The following FKBP6 variants were observed in gnomAD, a reference collection of about 807,000 sequenced individuals.
The protein encoded by FKBP6 is inactive peptidyl-prolyl cis-trans isomerase FKBP6.
Under a neutral mutation model 41.7 loss-of-function variants are expected in FKBP6, and 29 were observed. The observed-to-expected ratio is 0.70, with a 90% CI of 0.52 to 0.95. The LOEUF is 0.95. FKBP6 is among the 40% of genes least tolerant of loss of function. The probability of loss-of-function intolerance (pLI) is 0.00; values close to 1 mark genes in which losing one functional copy is unlikely to be tolerated. For synonymous variants in FKBP6, 130 were observed against 165.1 expected (o/e 0.79, Z 1.63); for missense variants, 338 against 408.7 (o/e 0.83, Z 1.49).
chr7:73,355,843 G>A (rs1448770443), intron 8 of FKBP6, among the ~76,000 whole-genome samples: 1 of 151,996 alleles, frequency 6.6e-6, no homozygotes, highest in Non-Finnish European at 1.5e-5. Context: ...GAAGCAGGCA[G>A]ATCACGAGGT....
At chr7:73,329,326 G>T (rs1554547078) in intron 2 of FKBP6, 34 bp from the exon 3 acceptor site, 1 of 1,300,382 alleles carries the variant, frequency 7.7e-7, no homozygotes, top group Non-Finnish European at 1.1e-6. Context: ...GGTGTTTTTG[G>T]TCCATTTTCC....
Position 73,331,766 on chromosome 7 carries a change from G to C in FKBP6, c.578G>C (p.Arg193Thr), listed in dbSNP as rs782469675. The C allele has an allele frequency of 6.2e-7, 1 of 1,613,872 alleles. No individual in the cohort carries two copies. The highest frequency in any genetic ancestry group is 1.3e-5 in the African/African-American group (1 of 74,942). Residue 193 changes from arginine to threonine, a missense_variant, in exon 5 of 9, where the codon AGA becomes ACA. This residue lies in a region of FKBP6 where 239 missense variants were observed against 250.1 expected (regional missense o/e 0.96). Transcript: ENST00000252037. The stretch of plus-strand genomic sequence containing the variant: ...AATCGTTTCTATGATGCCAAAGTGA[G>C]ATATAAAAGGGTGAGAATGCTTTGA... ...RQNRFYDAKV[R>T]YKRALLLLRR...
chr7:73,345,620 G>C (rs1056068868), intron 8 of FKBP6, among the ~76,000 whole-genome samples: 1 of 152,204 alleles, frequency 6.6e-6, no homozygotes, highest in Admixed American at 6.5e-5. Flanking sequence ...CTGGAAAGGA[G>C]CTGTGAAGGG....
At chr7:73,355,457 G>A (rs1805603773) in intron 8 of FKBP6, among the ~76,000 whole-genome samples, 1 of 151,970 alleles carries the variant, frequency 6.6e-6, no homozygotes, top group Non-Finnish European at 1.5e-5. Flanking sequence ...TGAACCTCGT[G>A]GGATCCCTTC....
intron 8 of FKBP6, among the ~76,000 whole-genome samples, chr7:73,346,821 C>T (rs1583818245): frequency 6.6e-6 from 1 of 152,180 alleles, no homozygotes; most frequent in Non-Finnish European, 1.5e-5. Flanking sequence ...CAGACCTTAC[C>T]TGAGGGAGCA....
At chr7:73,352,619 C>T (rs997781532) in intron 8 of FKBP6, among the ~76,000 whole-genome samples, 1 of 152,150 alleles carries the variant, frequency 6.6e-6, no homozygotes, top group African/African-American at 2.4e-5. Flanking sequence ...CTCCCCTACG[C>T]TCCCAAGCAG....
chr7:73,331,197 A>C (rs1012113075), intron 4 of FKBP6, among the ~76,000 whole-genome samples: 1 of 152,164 alleles, frequency 6.6e-6, no homozygotes, highest in African/African-American at 2.4e-5. Context: ...CATGACCATA[A>C]AGACTGCCAG....
At chr7:73,328,808 A>ATTTTTGT in intron 2 of FKBP6, 116 bp downstream of exon 2, 1 of 1,591,148 alleles carries the variant, frequency 6.3e-7, no homozygotes, top group Non-Finnish European at 8.6e-7. Context: ...TTTGAAGTGG[A>ATTTTTGT]TTTTTGTTTT....
At chr7:73,357,507 G>A (rs1174271191) in intron 8 of FKBP6, among the ~76,000 whole-genome samples, 1 of 151,878 alleles carries the variant, frequency 6.6e-6, no homozygotes, top group East Asian at 2.0e-4. Context: ...TGATCCGCCC[G>A]CCTCAGCCTC....
chr7:73,335,087 A>T (rs983024910), intron 5 of FKBP6, among the ~76,000 whole-genome samples: 35 of 151,834 alleles, frequency 2.3e-4, no homozygotes, highest in African/African-American at 7.7e-4. Flanking sequence ...CCTAGCTGCA[A>T]AGAAGCCTAG....
At chr7:73,333,514 G>A (rs1485041577) in intron 5 of FKBP6, among the ~76,000 whole-genome samples, 1 of 152,140 alleles carries the variant, frequency 6.6e-6, no homozygotes, top group African/African-American at 2.4e-5. Context: ...CCTCTGGAGG[G>A]TCTTCCAGAA....
At chr7:73,355,222 TTGTC>T (rs1283363962) in intron 8 of FKBP6, among the ~76,000 whole-genome samples, 1 of 152,228 alleles carries the variant, frequency 6.6e-6, no homozygotes, top group Non-Finnish European at 1.5e-5. Flanking sequence ...CTGTGGACCT[TTGTC>T]TGTGTTCGCT....
intron 8 of FKBP6, among the ~76,000 whole-genome samples, chr7:73,350,115 C>T (rs1554550905): frequency 6.6e-6 from 1 of 152,204 alleles, no homozygotes; most frequent in Non-Finnish European, 1.5e-5. Context: ...TGTCCGGCCA[C>T]AGACCCCTTA....
At chr7:73,340,494 T>C (rs1563316795) in intron 5 of FKBP6, 144 bp from the exon 6 acceptor site, 8 of 710,958 alleles carry the variant, frequency 1.1e-5, no homozygotes, top group Non-Finnish European at 1.8e-5. Flanking sequence ...AAAAAAGAAA[T>C]ATACCTGACT....
intron 6 of FKBP6, 83 bp downstream of exon 6, chr7:73,340,915 GTC>G: frequency 3.8e-5 from 24 of 637,036 alleles, no homozygotes; most frequent in Non-Finnish European, 5.6e-5. Flanking sequence ...CAAAAATGCT[GTC>G]TTTTTTTTTT....
At position 73,341,348 on chromosome 7, in the gene FKBP6, C is replaced by T; in HGVS notation, c.859C>T (p.His287Tyr). ...AGCCCAGAAGGAGCAACCCTTCAAT[C>T]ATGACATCAATAATGAGCTGAAGAA... ...VRAQKEQPFN[H>Y]DINNELKKLA... The change falls in exon 7 of 9, where the codon CAT (histidine) becomes TAT (tyrosine). Residue 287 changes from histidine to tyrosine, a missense_variant. His to Tyr is a moderately conservative substitution (Grantham distance 83). This residue lies in a region of FKBP6 where 239 missense variants were observed against 250.1 expected (regional missense o/e 0.96). Coordinates refer to ENST00000252037, the MANE Select transcript of FKBP6 (RefSeq NM_003602.5). The T allele has an allele frequency of 6.2e-7, 1 of 1,612,572 alleles. No individual in the cohort carries two copies. Among genetic ancestry groups the T allele is most frequent in the Non-Finnish European group, 8.5e-7 (1 of 1,178,548 alleles).
At position 73,328,193 on chromosome 7, in the gene FKBP6, A is replaced by G. The variant is rs1583790883; in HGVS notation, c.-236A>G. 4.5e-6 allele frequency: 7 copies of G among 1,547,586 alleles called. No homozygotes were observed. In the East Asian group the frequency reaches 1.7e-4, roughly 38 times the overall value. On this transcript the variant is annotated 5_prime_UTR_variant, in exon 1 of 9. In the 5' UTR this introduces an upstream ATG that the reference lacks. Coordinates refer to ENST00000252037, the MANE Select transcript of FKBP6 (RefSeq NM_003602.5). ...TTCGTGCGCTCCCATTACGGATCAT[A>G]CCTCGCACCTCACCGCGTGGCCTCT...
At chr7:73,331,444 G>C (rs377172304) in intron 4 of FKBP6, among the ~76,000 whole-genome samples, 1 of 152,226 alleles carries the variant, frequency 6.6e-6, no homozygotes, top group African/African-American at 2.4e-5. Context: ...CAACACAGAA[G>C]GCTGTAAACA....
At chr7:73,357,322 G>C (rs1299984840) in intron 8 of FKBP6, among the ~76,000 whole-genome samples, 9 of 133,612 alleles carry the variant, frequency 6.7e-5, no homozygotes, top group Non-Finnish European at 1.2e-4. Flanking sequence ...TCACTCAGGC[G>C]ATCTTGGCTC....
Sources: allele counts gnomAD v4.1 joint callset (sites outside exome capture counted in the v4.1 genomes callset), GRCh38; gene constraint gnomAD v4.1.1; regional missense constraint gnomAD v4.1.1; transcripts MANE v1.5; gene names NCBI Gene and HGNC (gene_info 2026-07-23, HGNC 2026-07-21).